GNAI2: variants seen among roughly 807,000 people sequenced by gnomAD.
The protein encoded by GNAI2 is guanine nucleotide-binding protein G(i) subunit alpha-2.
A neutral mutation model predicts 36.8 loss-of-function variants in GNAI2; 4 were observed. That is an observed-to-expected ratio of 0.11 (90% CI 0.05 to 0.25). The LOEUF (loss-of-function observed/expected upper bound fraction) is 0.25. Ranked by LOEUF, GNAI2 falls within the 10% of genes least tolerant of loss-of-function variation. The pLI, the probability that GNAI2 is intolerant of heterozygous loss-of-function variation, is 1.00. For synonymous variants in GNAI2, 194 were observed against 194.1 expected, an observed-to-expected ratio of 1.00 and a Z score of 0.01; for missense variants, 230 against 481.3, an observed-to-expected ratio of 0.48 and a Z score of 4.89.
At chr3:50,245,464 CTCCCGTTATCTT>C (rs1445229813) in intron 1 of GNAI2, among the ~76,000 whole-genome samples, 2 of 152,218 alleles carry the variant, frequency 1.3e-5, no homozygotes, top group Admixed American at 1.3e-4. Context: ...GAGGCCTAGG[CTCCCGTTATCTT>C]TCCCAGAGTC....
At chr3:50,237,828 TG>T (rs34134733) in intron 1 of GNAI2, among the ~76,000 whole-genome samples, 3 of 149,372 alleles carry the variant, frequency 2.0e-5, no homozygotes, top group Non-Finnish European at 3.0e-5. Context: ...GAGAAGTGCA[TG>T]GGGGGGTGTG....
upstream of GNAI2, among the ~76,000 whole-genome samples, chr3:50,233,939 A>C (rs1264248675): frequency 1.5e-5 from 2 of 130,742 alleles, no homozygotes; most frequent in Admixed American, 9.2e-5. Flanking sequence ...TCTGTTGCCC[A>C]GGGTAGAGTG....
rs79241059 is a variant in GNAI2, at chr3:50,239,696, C to T, written c.118+3243C>T. The stretch of plus-strand genomic sequence containing the variant: ...AGAAAAGTTCTTCAGGCTGTTTCTT[C>T]CCAGCCCCGCCACAGGCTATGCTGG... On this transcript the variant is annotated intron_variant, in intron 1 of 8. Transcript: ENST00000313601. 47 of 152,380 alleles carry T rather than the reference C, an allele frequency of 3.1e-4. 2 individuals are homozygous for T. In the East Asian group the frequency reaches 8.3e-3, roughly 27 times the overall value. 9.4% of individuals were successfully genotyped at this position (152,380 alleles called of 1,614,324 possible). A position where few individuals can be genotyped will look rare whatever the true frequency, so the allele number is the denominator to read the frequency against.
At chr3:50,251,905 A>G (rs1575451528) in intron 1 of GNAI2, 195 bp from the exon 2 acceptor site, 1 of 944,718 alleles carries the variant, frequency 1.1e-6, no homozygotes, top group African/African-American at 1.7e-5. Flanking sequence ...GCTCTAGGTT[A>G]CCTTGACCAC....
At chr3:50,247,856 A>G (rs1553701925) in intron 1 of GNAI2, among the ~76,000 whole-genome samples, 1 of 152,244 alleles carries the variant, frequency 6.6e-6, no homozygotes, top group African/African-American at 2.4e-5. Flanking sequence ...GGGACAGAGC[A>G]CTTGGTGGGG....
chr3:50,256,553 T>C, intron 5 of GNAI2, 170 bp from the exon 6 acceptor site: 2 of 767,164 alleles, frequency 2.6e-6, no homozygotes, highest in Non-Finnish European at 4.3e-6. Flanking sequence ...CTGCCTGCTG[T>C]CCAAGCTCCT....
Position 50,252,010 on chromosome 3 carries a change from C to A in GNAI2, c.119-90C>A. 1 of 1,300,734 alleles carries A rather than the reference C, an allele frequency of 7.7e-7. No homozygotes were observed. The highest frequency in any genetic ancestry group is 1.1e-6 in the Non-Finnish European group (1 of 912,206). The allele number at this position is 1,300,734 out of a possible 1,614,324, so 80.6% of individuals were successfully genotyped here. Reference sequence around the variant, plus strand: ...GCAGCTGGTGGGAAGGTTAGTTCTGCCTCCTGGGCTACAGGTGTCTGGGCA... The same window carrying A: ...GCAGCTGGTGGGAAGGTTAGTTCTGACTCCTGGGCTACAGGTGTCTGGGCA... On this transcript the variant is annotated intron_variant, in intron 1 of 8. Transcript: ENST00000313601. The surrounding 1 kb of genome is among the most constrained non-coding windows in gnomAD (Gnocchi z 4.1).
rs200506702 is a variant in GNAI2, at chr3:50,257,694, G to A, written c.*4G>A. ...GAAGGACTGCGGCCTCTTCTGAGGG[G>A]CAGCGGGGCCTGGCGGGATGGTGAG... is the stretch of plus-strand genomic sequence containing the variant. On this transcript the variant is annotated 3_prime_UTR_variant, in exon 8 of 9. Transcript: ENST00000313601. 6.5e-7 allele frequency: 1 copy of A among 1,548,044 alleles called. No homozygotes were observed. The highest frequency in any genetic ancestry group is 8.8e-7 in the Non-Finnish European group (1 of 1,142,164).
At chr3:50,230,002 C>G (rs1032057634), upstream of GNAI2, 1 of 152,434 alleles carries the variant, frequency 6.6e-6, no homozygotes, top group East Asian at 1.9e-4. Context: ...AGGTTGGGCC[C>G]CCTTGCCTAA....
chr3:50,256,070 AAAAG>A, intron 4 of GNAI2, 118 bp from the exon 5 acceptor site: 30 of 451,890 alleles, frequency 6.6e-5, no homozygotes, highest in South Asian at 2.4e-4. Context: ...AAAAAAAAAA[AAAAG>A]CAAGGGCTGT....
At position 50,255,993 on chromosome 3, in the gene GNAI2, C is replaced by CCAAGAT. The variant is rs1435158389; in HGVS notation, c.465-196_465-191dup. Among the ~76,000 whole-genome samples, 1 of 143,942 alleles carries CCAAGAT rather than the reference C, an allele frequency of 6.9e-6. No individual in the cohort carries two copies. Among genetic ancestry groups the CCAAGAT allele is most frequent in the Non-Finnish European group, 1.5e-5 (1 of 67,034 alleles). 94.4% of individuals were successfully genotyped at this position (143,942 alleles called of 152,430 possible). Reference sequence around the variant, plus strand: ...CCTGGCAGGCAGAGGTTGCAGTGAGCCAAGATCATGCCACTGCACTCCAGC... The same window carrying CCAAGAT: ...CCTGGCAGGCAGAGGTTGCAGTGAGCCAAGATCAAGATCATGCCACTGCACTCCAGC... On this transcript the variant is annotated intron_variant, in intron 4 of 8. Coordinates refer to ENST00000313601, the MANE Select transcript of GNAI2 (RefSeq NM_002070.4). This position sits in a 1 kb window ranked among gnomAD's most constrained non-coding sequence, Gnocchi z 4.0.
At chr3:50,229,347 G>T (rs1233206205), upstream of GNAI2, 1 of 152,288 alleles carries the variant, frequency 6.6e-6, no homozygotes, top group African/African-American at 2.4e-5. Flanking sequence ...TTAAGTTTAG[G>T]CCTTGGCCCC....
intron 5 of GNAI2, 42 bp from the exon 6 acceptor site, chr3:50,256,681 C>T: frequency 6.2e-7 from 1 of 1,606,666 alleles, no homozygotes; most frequent in Non-Finnish European, 8.5e-7. Context: ...GAAAGCCTCC[C>T]CCAGGCTCCC....
chr3:50,251,327 C>T, intron 1 of GNAI2: 1 of 981,392 alleles, frequency 1.0e-6, no homozygotes, highest in South Asian at 4.4e-5. Flanking sequence ...GTGACTAATA[C>T]AGGAGAGAAT....
upstream of GNAI2, among the ~76,000 whole-genome samples, chr3:50,232,189 G>T (rs955303109): frequency 2.6e-5 from 4 of 152,146 alleles, no homozygotes; most frequent in African/African-American, 9.7e-5. Flanking sequence ...AATTAGCCGG[G>T]TGTGGTGGCA....
rs1407408282 is a variant in GNAI2, at chr3:50,258,977, C to T, written c.*634C>T. On this transcript the variant is annotated 3_prime_UTR_variant, in exon 9 of 9. Transcript: ENST00000313601. ...CTGTCAGATCCTGACCAGCAAGCCC[C>T]CCCCCAGCCCCCCTTCCAAGTGACT... 6.7e-6 allele frequency: 3 copies of T among 446,854 alleles called. No homozygotes were observed. The highest frequency in any genetic ancestry group is 5.1e-5 in the Admixed American group (2 of 39,468). The allele number at this position is 446,854 out of a possible 1,614,324, so 27.7% of individuals were successfully genotyped here.
At chr3:50,240,918 CAA>C (rs11302773) in intron 1 of GNAI2, among the ~76,000 whole-genome samples, 72 of 86,712 alleles carry the variant, frequency 8.3e-4, no homozygotes, top group South Asian at 1.6e-3. Context: ...GACTCTGTCT[CAA>C]AAAAAAAAAA....
rs1553702611 is a variant in GNAI2, at chr3:50,252,374, C to T, written c.162-23C>T. ...ACTCCCAGTGCCCAGGGGACACTAACCTTCCTGGTCCCTGGCTATCAGGAT... is the reference window on the plus strand; with the variant it reads ...ACTCCCAGTGCCCAGGGGACACTAATCTTCCTGGTCCCTGGCTATCAGGAT... On this transcript the variant is annotated intron_variant, in intron 2 of 8. Transcript: ENST00000313601. The surrounding 1 kb of genome is among the most constrained non-coding windows in gnomAD (Gnocchi z 4.1). The T allele has an allele frequency of 6.2e-7, 1 of 1,612,936 alleles. No homozygotes were observed. Among genetic ancestry groups the T allele is most frequent in the Non-Finnish European group, 8.5e-7 (1 of 1,179,474 alleles).
In GNAI2 at chr3:50,256,954, C is replaced by T; in HGVS notation, c.741C>T (p.Ser247=). 2 of 1,614,134 alleles carry T rather than the reference C, an allele frequency of 1.2e-6. No homozygotes were observed. The highest frequency in any genetic ancestry group is 2.2e-5 in the East Asian group (1 of 44,878). ...EDEEMNRMHE[S]MKLFDSICNN... ...ACCCCCAGAACCGCATGCATGAGAGCATGAAGCTATTCGATAGCATCTGCA... is the reference window on the plus strand; with the variant it reads ...ACCCCCAGAACCGCATGCATGAGAGTATGAAGCTATTCGATAGCATCTGCA... The change falls in exon 7 of 9, where the codon AGC becomes AGT. Residue 247 remains serine, a synonymous_variant. Transcript: ENST00000313601.
Sources: allele counts gnomAD v4.1 joint callset (sites outside exome capture counted in the v4.1 genomes callset), GRCh38; gene constraint gnomAD v4.1.1; non-coding constraint Gnocchi (gnomAD v3.1); transcripts MANE v1.5; gene names NCBI Gene and HGNC (gene_info 2026-07-23, HGNC 2026-07-21).